The following IQSEC1 variants were observed in gnomAD, a reference collection of about 807,000 sequenced individuals.
The protein encoded by IQSEC1 is IQ motif and SEC7 domain-containing protein 1.
A neutral mutation model predicts 91.0 loss-of-function variants in IQSEC1; 31 were observed. The observed-to-expected ratio is 0.34, with a 90% CI of 0.26 to 0.46. The LOEUF is 0.46. Ranked by LOEUF, IQSEC1 falls within the 20% of genes least tolerant of loss-of-function variation. The pLI, the probability that IQSEC1 is intolerant of heterozygous loss-of-function variation, is 1.00. For missense variants in IQSEC1, 1,388 were observed against 1,575.6 expected, an observed-to-expected ratio of 0.88 and a Z score of 2.02; for synonymous variants, 699 against 662.6, an observed-to-expected ratio of 1.05 and a Z score of -0.84.
rs147827242 is a variant in IQSEC1 at position 12,906,989 on chromosome 3, C to A, written c.2755+1360G>T. ...GATGATTCTGTCCCCCAGGGGATAC[C>A]TGGCAATTTCTGGAGACATCAGTGA... On this transcript the variant is annotated intron_variant, in intron 12 of 13. Coordinates refer to ENST00000613206, the MANE Select transcript of IQSEC1 (RefSeq NM_001134382.3). 3.2e-3 allele frequency among the ~76,000 whole-genome samples: 487 copies of A among 152,322 alleles called. 3 individuals carry two copies. Among genetic ancestry groups the A allele is most frequent in the Admixed American group, 5.0e-3 (76 of 15,296 alleles).
chr3:13,136,313 G>A (rs358387), intron 2 of IQSEC1, among the ~76,000 whole-genome samples: 19,074 of 152,274 alleles, frequency 0.13, 1,292 homozygotes, highest in South Asian at 0.18. Context: ...GGACCCACAA[G>A]TGAACGGGAA....
At chr3:13,065,080 C>A (rs1054350346) in intron 1 of IQSEC1, among the ~76,000 whole-genome samples, 6 of 152,246 alleles carry the variant, frequency 3.9e-5, no homozygotes, top group African/African-American at 4.8e-5. Context: ...GGCTTGGCTT[C>A]CTTCATGGAG....
At chr3:13,251,958 T>C (rs1436891600) in intron 1 of IQSEC1, among the ~76,000 whole-genome samples, 1 of 152,156 alleles carries the variant, frequency 6.6e-6, no homozygotes, top group Non-Finnish European at 1.5e-5. Context: ...AGTACAACAG[T>C]AGCAGCAGCA....
intron 1 of IQSEC1, among the ~76,000 whole-genome samples, chr3:12,945,030 C>T (rs1699085762): frequency 6.6e-6 from 1 of 152,216 alleles, no homozygotes. Context: ...AGTGAGGGCC[C>T]AGGCCTGCCT....
chr3:13,122,767 G>A (rs1706446116), intron 2 of IQSEC1, among the ~76,000 whole-genome samples: 2 of 152,184 alleles, frequency 1.3e-5, no homozygotes, highest in Non-Finnish European at 2.9e-5. Flanking sequence ...GGGTCACACA[G>A]TGTGATTACT....
At chr3:13,134,522 C>G (rs974227754) in intron 2 of IQSEC1, among the ~76,000 whole-genome samples, 10 of 152,260 alleles carry the variant, frequency 6.6e-5, no homozygotes, top group Non-Finnish European at 2.9e-5. Flanking sequence ...GTGCTTTAGC[C>G]ACTTTCAGAA....
chr3:13,099,050 GA>G (rs1706013536), intron 2 of IQSEC1, among the ~76,000 whole-genome samples: 1 of 152,206 alleles, frequency 6.6e-6, no homozygotes, highest in Non-Finnish European at 1.5e-5. Context: ...GGGATGGGGG[GA>G]ACAGGCCGGG....
chr3:13,084,834 G>A (rs749201051), intron 2 of IQSEC1, among the ~76,000 whole-genome samples: 10 of 152,202 alleles, frequency 6.6e-5, no homozygotes, highest in Non-Finnish European at 1.3e-4. Context: ...CTCAGACCCT[G>A]TCTGGGTCTC....
At chr3:12,998,534 C>T (rs1205242184) in intron 1 of IQSEC1, among the ~76,000 whole-genome samples, 2 of 151,922 alleles carry the variant, frequency 1.3e-5, no homozygotes, top group African/African-American at 4.8e-5. Flanking sequence ...ACCTGTAATC[C>T]CAGCTGCTCA....
At chr3:13,225,470 C>T (rs897342792) in intron 1 of IQSEC1, among the ~76,000 whole-genome samples, 9 of 152,302 alleles carry the variant, frequency 5.9e-5, no homozygotes, top group Admixed American at 4.6e-4. Flanking sequence ...AACATATGGG[C>T]TGTGTTAAAA....
intron 1 of IQSEC1, among the ~76,000 whole-genome samples, chr3:13,228,140 T>C (rs1280762391): frequency 6.6e-6 from 1 of 152,116 alleles, no homozygotes; most frequent in South Asian, 2.1e-4. Flanking sequence ...GTCCATCTTT[T>C]CCACCTCCAG....
At chr3:13,239,083 G>A (rs1246147521) in intron 1 of IQSEC1, among the ~76,000 whole-genome samples, 2 of 152,204 alleles carry the variant, frequency 1.3e-5, no homozygotes, top group East Asian at 3.9e-4. Context: ...TCCCCTGCTG[G>A]GGTGGAGGAC....
At chr3:13,170,124 C>T (rs1244852001) in intron 1 of IQSEC1, among the ~76,000 whole-genome samples, 1 of 152,310 alleles carries the variant, frequency 6.6e-6, no homozygotes, top group African/African-American at 2.4e-5. Flanking sequence ...AAGCTGTGTG[C>T]AGCCTAGGGA....
At chr3:13,271,601 G>A (rs990805177) in intron 1 of IQSEC1, among the ~76,000 whole-genome samples, 9 of 152,074 alleles carry the variant, frequency 5.9e-5, no homozygotes, top group African/African-American at 2.2e-4. Context: ...TTCAAGACCA[G>A]CCTGGGCAAC....
intron 1 of IQSEC1, among the ~76,000 whole-genome samples, chr3:13,236,396 T>C (rs1441462198): frequency 6.6e-6 from 1 of 152,210 alleles, no homozygotes; most frequent in Non-Finnish European, 1.5e-5. Flanking sequence ...GACATGAAAC[T>C]GGCCATCTTT....
chr3:13,052,000 C>T (rs1704708090), intron 1 of IQSEC1, among the ~76,000 whole-genome samples: 1 of 152,128 alleles, frequency 6.6e-6, no homozygotes, highest in Non-Finnish European at 1.5e-5. Flanking sequence ...TAGCCTTTTC[C>T]AGAGATAATA....
chr3:12,995,637 T>G (rs2125646261), intron 1 of IQSEC1, among the ~76,000 whole-genome samples: 1 of 152,296 alleles, frequency 6.6e-6, no homozygotes, highest in South Asian at 2.1e-4. Context: ...CACTCCCCAC[T>G]CTTGCAGAAT....
intron 1 of IQSEC1, among the ~76,000 whole-genome samples, chr3:12,953,633 C>T (rs559159347): frequency 2.4e-4 from 37 of 152,286 alleles, no homozygotes; most frequent in African/African-American, 8.4e-4. Flanking sequence ...CACGAGGAGT[C>T]GGGCAGCAGT....
chr3:12,935,392 G>T lies in IQSEC1; in HGVS notation c.1568+56C>A. On this transcript the variant is annotated intron_variant, in intron 3 of 13. Transcript: ENST00000613206. The surrounding 1 kb of genome is among the most constrained non-coding windows in gnomAD (Gnocchi z 8.0). Reference sequence around the variant, plus strand: ...TGGAAGGATGCAGCCACGCCCACCCGCCAAGGCCCAGCAAGCCACAGCTGC... The same window carrying T: ...TGGAAGGATGCAGCCACGCCCACCCTCCAAGGCCCAGCAAGCCACAGCTGC... The T allele has an allele frequency of 4.5e-6, 7 of 1,540,868 alleles. No individual in the cohort carries two copies. The highest frequency in any genetic ancestry group is 6.2e-6 in the Non-Finnish European group (7 of 1,131,856).
Sources: gnomAD v4.1 joint callset for allele counts (sites outside exome capture counted in the v4.1 genomes callset) on GRCh38, gnomAD v4.1.1 for gene constraint, Gnocchi (gnomAD v3.1) non-coding constraint, MANE v1.5 for transcripts, NCBI Gene and HGNC (gene_info 2026-07-23, HGNC 2026-07-21) for gene names.